The following STX17 variants were observed in gnomAD, a reference collection of about 807,000 sequenced individuals.
STX17 encodes the protein syntaxin 17, also known as syntaxin-17.
Under a neutral mutation model 35.9 loss-of-function variants are expected in STX17, and 29 were observed. That is an observed-to-expected ratio of 0.81 (90% CI 0.60 to 1.10). The LOEUF (loss-of-function observed/expected upper bound fraction) is 1.10. Among genes scored for constraint, STX17 ranks in the 50% least tolerant of loss-of-function variants. STX17 has a pLI of 0.00. For missense variants in STX17, 312 were observed against 352.3 expected (o/e 0.89, Z 0.92); for synonymous variants, 92 against 118.3 (o/e 0.78, Z 1.44).
intron 2 of STX17, among the ~76,000 whole-genome samples, chr9:99,919,098 G>T (rs1375220215): frequency 6.6e-6 from 1 of 152,132 alleles, no homozygotes; most frequent in African/African-American, 2.4e-5. Flanking sequence ...CCTCTCCAGA[G>T]GCTGTCTTCT....
At chr9:99,967,497 C>A in intron 6 of STX17, 156 bp from the exon 7 acceptor site, 24 of 293,482 alleles carry the variant, frequency 8.2e-5, no homozygotes, top group Middle Eastern at 8.5e-4. Context: ...GTTAATTTGT[C>A]CTTTCGACAT....
intron 2 of STX17, among the ~76,000 whole-genome samples, chr9:99,916,867 A>G (rs1487309899): frequency 6.6e-6 from 1 of 152,128 alleles, no homozygotes; most frequent in Non-Finnish European, 1.5e-5. Context: ...GAGGTTTGGC[A>G]TGTCTGTCTT....
rs1310945341 is a variant in STX17, at chr9:99,969,204, T to C, written c.*531T>C. Reference sequence around the variant, plus strand: ...TATTGCAATTTGGTCCAACTATATCTTCTGGTGAAGGAAATTAATGATGTA... The same window carrying C: ...TATTGCAATTTGGTCCAACTATATCCTCTGGTGAAGGAAATTAATGATGTA... On this transcript the variant is annotated 3_prime_UTR_variant, in exon 8 of 8. Transcript: ENST00000259400. 6.6e-6 allele frequency: 1 copy of C among 152,206 alleles called. No individual in the cohort carries two copies. Among genetic ancestry groups the C allele is most frequent in the East Asian group, 1.9e-4 (1 of 5,202 alleles). The allele number at this position is 152,206 out of a possible 1,614,324, so 9.4% of individuals were successfully genotyped here.
In STX17 at chr9:99,951,241, A is replaced by G. The variant is rs765777446; in HGVS notation, c.371A>G (p.Glu124Gly). ...EELKKQFNDE[E>G]TLLQPPLTRS... ...CTTAAGAAGCAATTTAATGATGAAGAAACTTTGCTACAGCCTCCTTTGACC... is the reference window on the plus strand; with the variant it reads ...CTTAAGAAGCAATTTAATGATGAAGGAACTTTGCTACAGCCTCCTTTGACC... The change falls in exon 4 of 8, where the codon GAA becomes GGA. Residue 124 changes from glutamate to glycine, a missense_variant. Glu to Gly is a moderately conservative substitution (Grantham distance 98). Transcript: ENST00000259400. The G allele has an allele frequency of 1.9e-6, 3 of 1,613,012 alleles. No individual in the cohort carries two copies. The highest frequency in any genetic ancestry group is 4.5e-5 in the East Asian group (2 of 44,838).
chr9:99,967,004 T>C (rs188520570), intron 6 of STX17, among the ~76,000 whole-genome samples: 95 of 152,334 alleles, frequency 6.2e-4, no homozygotes, highest in African/African-American at 2.2e-3. Context: ...TGTAGAATGC[T>C]TTATTAATAT....
intron 4 of STX17, among the ~76,000 whole-genome samples, chr9:99,958,765 T>C (rs1412938623): frequency 6.6e-6 from 1 of 152,238 alleles, no homozygotes; most frequent in African/African-American, 2.4e-5. Context: ...GAATGAATGA[T>C]TGGTAAAACC....
Position 99,911,992 on chromosome 9 carries a change from C to G in STX17, c.-62-3186C>G, listed in dbSNP as rs562323781. 1.1e-3 allele frequency among the ~76,000 whole-genome samples: 165 copies of G among 152,232 alleles called. 2 individuals carry two copies. The highest frequency in any genetic ancestry group is 3.8e-3 in the African/African-American group (159 of 41,566). On this transcript the variant is annotated intron_variant, in intron 1 of 7. Coordinates refer to ENST00000259400, the MANE Select transcript of STX17 (RefSeq NM_017919.3). ...CTGTAATCCCGGCACTTTGGGAGGC[C>G]GAGGCAGGTGGATCACCTGAGGTCA...
At chr9:99,937,609 A>G (rs67039781) in intron 3 of STX17, among the ~76,000 whole-genome samples, 40,468 of 151,964 alleles carry the variant, frequency 0.27, 6,211 homozygotes, top group Non-Finnish European at 0.35. Flanking sequence ...AGTCTTTTTT[A>G]TATCTTCTGT....
intron 3 of STX17, among the ~76,000 whole-genome samples, chr9:99,941,314 A>T (rs1273734248): frequency 6.6e-6 from 1 of 152,224 alleles, no homozygotes; most frequent in Non-Finnish European, 1.5e-5. Flanking sequence ...GTTCAGTTGA[A>T]TGTTAAGTAA....
chr9:99,948,068 C>G (rs1337657615), intron 3 of STX17, among the ~76,000 whole-genome samples: 1 of 151,914 alleles, frequency 6.6e-6, no homozygotes, highest in Non-Finnish European at 1.5e-5. Flanking sequence ...GCAGAAACAC[C>G]TGACTTTATG....
intron 2 of STX17, among the ~76,000 whole-genome samples, chr9:99,919,997 CT>C (rs1212747332): frequency 6.6e-6 from 1 of 152,146 alleles, no homozygotes; most frequent in Non-Finnish European, 1.5e-5. Flanking sequence ...TTTCATTTCT[CT>C]TTTTAGTGTG....
At chr9:99,931,891 G>GT (rs1232150240) in intron 3 of STX17, among the ~76,000 whole-genome samples, 6 of 151,914 alleles carry the variant, frequency 3.9e-5, no homozygotes, top group Admixed American at 3.9e-4. Context: ...GGTGTAATAG[G>GT]TTTTTTTGTT....
At chr9:99,955,771 C>T (rs955117452) in intron 4 of STX17, among the ~76,000 whole-genome samples, 1 of 152,002 alleles carries the variant, frequency 6.6e-6, no homozygotes, top group African/African-American at 2.4e-5. Context: ...GTGATAGGTC[C>T]TATGTTCTAC....
intron 3 of STX17, among the ~76,000 whole-genome samples, chr9:99,934,815 C>G (rs2118400675): frequency 6.6e-6 from 1 of 152,256 alleles, no homozygotes; most frequent in East Asian, 1.9e-4. Context: ...CATAGCCACT[C>G]TTAATCATTA....
At chr9:99,936,046 T>TA (rs1261683986) in intron 3 of STX17, among the ~76,000 whole-genome samples, 1 of 152,234 alleles carries the variant, frequency 6.6e-6, no homozygotes, top group Non-Finnish European at 1.5e-5. Context: ...TCTGCATAAA[T>TA]ACTTTGAAAT....
At position 99,967,833 on chromosome 9, in the gene STX17, G is replaced by A. The variant is rs984312143; in HGVS notation, c.669+94G>A. On this transcript the variant is annotated intron_variant, in intron 7 of 7. Transcript: ENST00000259400. ...TTGATCTGCTCTCTTCAATGTTGAG[G>A]GAACCAGCAATTAAGGAAATAAGGA... The A allele has an allele frequency of 1.3e-5, 14 of 1,061,380 alleles. No individual in the cohort carries two copies. In the African/African-American group the frequency reaches 1.4e-4, roughly 11 times the overall value. The allele number at this position is 1,061,380 out of a possible 1,614,324, so 65.7% of individuals were successfully genotyped here.
At chr9:99,941,596 C>T (rs1829363997) in intron 3 of STX17, among the ~76,000 whole-genome samples, 1 of 152,092 alleles carries the variant, frequency 6.6e-6, no homozygotes. Flanking sequence ...ATCCTAGAAG[C>T]CCATAGCCTC....
chr9:99,948,754 G>C (rs1205141139), intron 3 of STX17, among the ~76,000 whole-genome samples: 2 of 151,976 alleles, frequency 1.3e-5, no homozygotes, highest in African/African-American at 4.8e-5. Flanking sequence ...ACTTCAGTGG[G>C]TTTTTTCTTT....
At chr9:99,915,936 T>G (rs980542758) in intron 2 of STX17, 2 of 431,012 alleles carry the variant, frequency 4.6e-6, no homozygotes, top group Admixed American at 2.6e-5. Context: ...GATGGTGCAC[T>G]ATAATGTAAA....
Sources: allele counts gnomAD v4.1 joint callset (sites outside exome capture counted in the v4.1 genomes callset), GRCh38; gene constraint gnomAD v4.1.1; transcripts MANE v1.5; gene names NCBI Gene and HGNC (gene_info 2026-07-23, HGNC 2026-07-21).